The following GALNT17 variants were observed in gnomAD, a reference collection of about 807,000 sequenced individuals.
GALNT17 encodes UDP-GalNAc:polypeptide N-acetylgalactosaminyltransferase-like 3.
In GALNT17, 29 loss-of-function variants were observed where a neutral mutation model predicts 63.7. The ratio of observed to expected loss-of-function variants is 0.46; its 90% CI spans 0.34 to 0.62. GALNT17 has a LOEUF of 0.62. Among genes scored for constraint, GALNT17 ranks in the 20% least tolerant of loss-of-function variants. GALNT17 has a pLI of 0.01. For synonymous variants in GALNT17, 305 were observed against 318.3 expected (o/e 0.96, Z 0.45); for missense variants, 603 against 799.6 (o/e 0.75, Z 2.97).
chr7:71,299,289 C>T (rs143077331), intron 1 of GALNT17, among the ~76,000 whole-genome samples: 1 of 152,164 alleles, frequency 6.6e-6, no homozygotes, highest in African/African-American at 2.4e-5. Flanking sequence ...TCCGCTGGGA[C>T]TAAATGATTC....
intron 2 of GALNT17, among the ~76,000 whole-genome samples, chr7:71,347,515 C>A (rs1262661993): frequency 2.6e-5 from 4 of 152,124 alleles, no homozygotes; most frequent in African/African-American, 4.8e-5. Flanking sequence ...CTTTAAAACA[C>A]CTTACATTAA....
chr7:71,429,592 G>C (rs1250892923), intron 5 of GALNT17, among the ~76,000 whole-genome samples: 8 of 152,202 alleles, frequency 5.3e-5, no homozygotes, highest in Non-Finnish European at 1.0e-4. Context: ...GCCCAGGCTA[G>C]AGTGCAGTGG....
intron 2 of GALNT17, among the ~76,000 whole-genome samples, chr7:71,353,313 C>T (rs1792222232): frequency 6.6e-6 from 1 of 151,976 alleles, no homozygotes; most frequent in Admixed American, 6.6e-5. Flanking sequence ...ACATGATGCC[C>T]CTTTGTCTCT....
chr7:71,552,112 T>A (rs1213637374), intron 5 of GALNT17, among the ~76,000 whole-genome samples: 1 of 151,958 alleles, frequency 6.6e-6, no homozygotes, highest in Admixed American at 6.6e-5. Flanking sequence ...TGGTGTGATC[T>A]TGGGCCACTG....
chr7:71,511,231 T>A (rs12112146), intron 5 of GALNT17, among the ~76,000 whole-genome samples: 2,828 of 152,022 alleles, frequency 0.019, 91 homozygotes, highest in African/African-American at 0.065. Context: ...GCCGAGCATC[T>A]CAAGCAGTGG....
At chr7:71,614,693 G>C (rs1478179867) in intron 6 of GALNT17, among the ~76,000 whole-genome samples, 3 of 150,864 alleles carry the variant, frequency 2.0e-5, no homozygotes, top group Non-Finnish European at 4.4e-5. Flanking sequence ...AGGAAGGGAG[G>C]GAGGGAAGAA....
At chr7:71,194,407 T>G (rs1403837188) in intron 1 of GALNT17, among the ~76,000 whole-genome samples, 4 of 152,206 alleles carry the variant, frequency 2.6e-5, no homozygotes, top group Non-Finnish European at 4.4e-5. Flanking sequence ...GTATATGGGA[T>G]CTTAAGAAAA....
chr7:71,246,115 G>GTTTTTTTTTTTTT (rs61447370), intron 1 of GALNT17, among the ~76,000 whole-genome samples: 1 of 92,000 alleles, frequency 1.1e-5, no homozygotes, highest in African/African-American at 4.1e-5. Context: ...TTTTTTCGTT[G>GTTTTTTTTTTTTT]TTTTTTTTTT....
chr7:71,395,759 C>G (rs953499631), intron 3 of GALNT17, among the ~76,000 whole-genome samples: 1 of 152,144 alleles, frequency 6.6e-6, no homozygotes, highest in Non-Finnish European at 1.5e-5. Context: ...ACATCCTTGA[C>G]AATTGTTACT....
At chr7:71,214,972 A>G (rs1273299370) in intron 1 of GALNT17, among the ~76,000 whole-genome samples, 1 of 152,152 alleles carries the variant, frequency 6.6e-6, no homozygotes, top group Non-Finnish European at 1.5e-5. Flanking sequence ...ATTCTACTTG[A>G]TTCTCTGTAA....
At chr7:71,276,763 C>T (rs1049270620) in intron 1 of GALNT17, among the ~76,000 whole-genome samples, 12 of 152,094 alleles carry the variant, frequency 7.9e-5, no homozygotes, top group Admixed American at 2.6e-4. Flanking sequence ...TTTGGGAGGC[C>T]GAGGCGGGTA....
intron 1 of GALNT17, among the ~76,000 whole-genome samples, chr7:71,255,383 C>T (rs984263615): frequency 5.3e-5 from 8 of 152,192 alleles, no homozygotes; most frequent in Admixed American, 3.3e-4. Context: ...TTTCACCTTC[C>T]ACCATGATTG....
intron 1 of GALNT17, among the ~76,000 whole-genome samples, chr7:71,319,891 C>T (rs1002961371): frequency 5.3e-5 from 8 of 152,182 alleles, no homozygotes; most frequent in Non-Finnish European, 8.8e-5. Flanking sequence ...TTTCATGTGT[C>T]TCATGCTTCT....
At position 71,335,622 on chromosome 7, in the gene GALNT17, C is replaced by A; in HGVS notation, c.311C>A (p.Ser104Tyr). The change falls in exon 2 of 11, where the codon TCC (serine) becomes TAC (tyrosine). Residue 104 changes from serine to tyrosine, a missense_variant. Transcript: ENST00000333538. Reference sequence around the variant, plus strand: ...AAAGGGGGCCTTCCGGCTACTCTTTCCCCGGCTGAAGAAGAAAAGGCTAAG... The same window carrying A: ...AAAGGGGGCCTTCCGGCTACTCTTTACCCGGCTGAAGAAGAAAAGGCTAAG... ...RGKGGLPATLSPAEEEKAKGP... is the reference protein window; with the variant it reads ...RGKGGLPATLYPAEEEKAKGP... The A allele has an allele frequency of 1.2e-6, 2 of 1,612,688 alleles. No individual in the cohort carries two copies. Among genetic ancestry groups the A allele is most frequent in the Non-Finnish European group, 1.7e-6 (2 of 1,179,358 alleles).
At chr7:71,632,663 A>G (rs1208717718) in intron 6 of GALNT17, among the ~76,000 whole-genome samples, 1 of 152,156 alleles carries the variant, frequency 6.6e-6, no homozygotes, top group African/African-American at 2.4e-5. Context: ...AGCAAGTGAG[A>G]AGGGCTGGTG....
chr7:71,273,830 A>G (rs1314246309), intron 1 of GALNT17, among the ~76,000 whole-genome samples: 3 of 150,316 alleles, frequency 2.0e-5, no homozygotes, highest in Non-Finnish European at 4.4e-5. Flanking sequence ...ATTTTTCTCT[A>G]ATGAGATAAT....
At chr7:71,337,315 T>G (rs936973041) in intron 2 of GALNT17, among the ~76,000 whole-genome samples, 2 of 152,192 alleles carry the variant, frequency 1.3e-5, no homozygotes, top group Non-Finnish European at 2.9e-5. Flanking sequence ...TATTGAATAT[T>G]TTTTCACTCA....
chr7:71,573,818 A>T (rs57159549), intron 6 of GALNT17, among the ~76,000 whole-genome samples: 2,083 of 151,868 alleles, frequency 0.014, 60 homozygotes, highest in African/African-American at 0.047. Flanking sequence ...TTTGATCCTC[A>T]CCCTCCTCCC....
chr7:71,694,803 C>T (rs1791516323), intron 9 of GALNT17, among the ~76,000 whole-genome samples: 1 of 152,064 alleles, frequency 6.6e-6, no homozygotes, highest in South Asian at 2.1e-4. Flanking sequence ...TTAAGCAGGC[C>T]CCAGAGTCCA....
Sources: gnomAD v4.1 joint callset for allele counts (sites outside exome capture counted in the v4.1 genomes callset) on GRCh38, gnomAD v4.1.1 for gene constraint, MANE v1.5 for transcripts, NCBI Gene and HGNC (gene_info 2026-07-23, HGNC 2026-07-21) for gene names.